TFB1M: variants seen among roughly 807,000 people sequenced by gnomAD.
TFB1M encodes the protein transcription factor B1, mitochondrial.
Under a neutral mutation model 31.1 loss-of-function variants are expected in TFB1M, and 27 were observed. The ratio of observed to expected loss-of-function variants is 0.87; its 90% CI spans 0.64 to 1.20. The LOEUF (loss-of-function observed/expected upper bound fraction) is 1.20. TFB1M is among the 50% of genes most tolerant of loss of function. TFB1M has a pLI of 0.00. For missense variants in TFB1M, 394 were observed against 418.7 expected, an observed-to-expected ratio of 0.94 and a Z score of 0.51; for synonymous variants, 166 against 151.8, an observed-to-expected ratio of 1.09 and a Z score of -0.69.
chr6:155,300,937 T>C (rs1366979727), intron 2 of TFB1M, among the ~76,000 whole-genome samples: 1 of 152,106 alleles, frequency 6.6e-6, no homozygotes, highest in Non-Finnish European at 1.5e-5. Flanking sequence ...CCCTAAGAGC[T>C]GGGATTACAG....
At chr6:155,234,101 T>C in the TFB1M span, among the ~76,000 whole-genome samples, 1 of 151,868 alleles carries the variant, frequency 6.6e-6, no homozygotes, top group Non-Finnish European at 1.5e-5. Context: ...TTAAAGAAAA[T>C]ATTGGTTTCA....
At chr6:155,269,324 C>CTTTTTTTTTTTTT (rs60162262) in intron 5 of TFB1M, among the ~76,000 whole-genome samples, 54 of 127,200 alleles carry the variant, frequency 4.2e-4, no homozygotes, top group East Asian at 6.9e-4. Context: ...CTTTTCTTTT[C>CTTTTTTTTTTTTT]TTTTTTTTTT....
At chr6:155,265,864 G>A (rs1456612513) in intron 5 of TFB1M, among the ~76,000 whole-genome samples, 3 of 151,186 alleles carry the variant, frequency 2.0e-5, no homozygotes, top group Admixed American at 2.0e-4. Flanking sequence ...TGCAGGCTGA[G>A]AAGCAAGGAG....
chr6:155,301,945 A>G (rs1582871900), intron 2 of TFB1M, among the ~76,000 whole-genome samples: 1 of 152,344 alleles, frequency 6.6e-6, no homozygotes, highest in Middle Eastern at 3.4e-3. Context: ...GTAATAAACA[A>G]TGCCTTTAAT....
At chr6:155,312,626 C>G (rs1379161886) in intron 1 of TFB1M, among the ~76,000 whole-genome samples, 1 of 152,130 alleles carries the variant, frequency 6.6e-6, no homozygotes. Context: ...GCTATCAAAT[C>G]AATGAGCTTG....
At chr6:155,274,707 G>A (rs539157672) in intron 5 of TFB1M, among the ~76,000 whole-genome samples, 1 of 152,342 alleles carries the variant, frequency 6.6e-6, no homozygotes, top group South Asian at 2.1e-4. Context: ...AGAACTTAGG[G>A]ATAACCATGC....
chr6:155,272,706 T>C (rs1235963724), intron 5 of TFB1M, among the ~76,000 whole-genome samples: 2 of 152,078 alleles, frequency 1.3e-5, no homozygotes, highest in African/African-American at 2.4e-5. Flanking sequence ...TCTTTCTACA[T>C]AAGTTCTCTA....
At position 155,257,647 on chromosome 6, in the gene TFB1M, G is replaced by A; in HGVS notation, c.*189C>T. ...ACTATCTATACAGTATATATTAAAA[G>A]AAAGCTTGTACTGTATCTTATTTGA... On this transcript the variant is annotated 3_prime_UTR_variant, in exon 7 of 7. Transcript: ENST00000367166. The A allele has an allele frequency of 1.6e-6, 1 of 629,338 alleles. No homozygotes were observed. Among genetic ancestry groups the A allele is most frequent in the Non-Finnish European group, 2.7e-6 (1 of 367,438 alleles). The allele number at this position is 629,338 out of a possible 1,614,324, so 39.0% of individuals were successfully genotyped here. A position where few individuals can be genotyped will look rare whatever the true frequency, so the allele number is the denominator to read the frequency against.
At chr6:155,279,255 A>AT (rs1785375310) in intron 5 of TFB1M, among the ~76,000 whole-genome samples, 1 of 151,990 alleles carries the variant, frequency 6.6e-6, no homozygotes, top group Non-Finnish European at 1.5e-5. Context: ...ATATCTATAC[A>AT]TATGACTGAA....
At chr6:155,263,590 G>T (rs1784488718) in intron 5 of TFB1M, among the ~76,000 whole-genome samples, 1 of 152,168 alleles carries the variant, frequency 6.6e-6, no homozygotes, top group Non-Finnish European at 1.5e-5. Context: ...CTGGTTATCA[G>T]CTCAGAGCAG....
downstream of TFB1M, chr6:155,252,843 G>A (rs945830531): frequency 8.8e-6 from 9 of 1,026,186 alleles, no homozygotes; most frequent in South Asian, 2.9e-5. Context: ...ATGGCTGCTC[G>A]GAGACTCGCC....
chr6:155,236,006 T>C, the TFB1M span, among the ~76,000 whole-genome samples: 1 of 152,154 alleles, frequency 6.6e-6, no homozygotes, highest in East Asian at 1.9e-4. Flanking sequence ...ATAGATTCTA[T>C]AGCCCTGGGA....
chr6:155,250,012 G>T, the TFB1M span: 2 of 1,501,414 alleles, frequency 1.3e-6, no homozygotes, highest in African/African-American at 2.8e-5. Flanking sequence ...TGCATGTGGT[G>T]TGGGGTCTGT....
intron 2 of TFB1M, among the ~76,000 whole-genome samples, chr6:155,307,292 T>A (rs150998835): frequency 6.6e-6 from 1 of 152,172 alleles, no homozygotes; most frequent in Non-Finnish European, 1.5e-5. Flanking sequence ...CTGCTGCTCA[T>A]AAAGACATTC....
downstream of TFB1M, among the ~76,000 whole-genome samples, chr6:155,252,588 T>C (rs1783732225): frequency 6.6e-6 from 1 of 152,214 alleles, no homozygotes; most frequent in Admixed American, 6.5e-5. Context: ...TCTGTGAAAC[T>C]TTGGTTTATT....
chr6:155,242,852 C>T, the TFB1M span, among the ~76,000 whole-genome samples: 6 of 151,942 alleles, frequency 3.9e-5, no homozygotes, highest in Non-Finnish European at 8.8e-5. Context: ...TCTCCTGCCT[C>T]AGCTTCCTGA....
rs1490375490 is a variant in TFB1M, at chr6:155,292,564, G to A, written c.546+4389C>T. Among the ~76,000 whole-genome samples, 4 of 152,098 alleles carry A rather than the reference G, an allele frequency of 2.6e-5. No homozygotes were observed. In the South Asian group the frequency reaches 6.2e-4, roughly 24 times the overall value. On this transcript the variant is annotated intron_variant, in intron 4 of 6. Transcript: ENST00000367166. The stretch of plus-strand genomic sequence containing the variant: ...GAGCCCCAAATTAAAAGCTACCCTG[G>A]ATCCACCAGAACAATAAAAGCCTCA...
intron 5 of TFB1M, among the ~76,000 whole-genome samples, chr6:155,279,136 A>G (rs922023600): frequency 1.3e-5 from 2 of 152,094 alleles, no homozygotes; most frequent in African/African-American, 4.8e-5. Context: ...TCATAGTCTA[A>G]TTTATCGAAT....
At chr6:155,285,081 G>A (rs1776565108) in intron 5 of TFB1M, 77 bp downstream of exon 5, 2 of 1,577,416 alleles carry the variant, frequency 1.3e-6, no homozygotes, top group South Asian at 2.2e-5. Context: ...GATCCTAGAG[G>A]TTATTTCCTA....
Sources: allele counts gnomAD v4.1 joint callset (sites outside exome capture counted in the v4.1 genomes callset), GRCh38; gene constraint gnomAD v4.1.1; transcripts MANE v1.5; gene names NCBI Gene and HGNC (gene_info 2026-07-23, HGNC 2026-07-21).